Variants in PRSS41 observed in about 807,000 individuals in gnomAD.
PRSS41 encodes the protein protease, serine 41.
Under a neutral mutation model 28.8 loss-of-function variants are expected in PRSS41, and 37 were observed. That is an observed-to-expected ratio of 1.29 (90% confidence interval 0.99 to 1.69). The LOEUF is 1.69. PRSS41 is among the 40% of genes most tolerant of loss of function. PRSS41 has a pLI of 0.00. For missense variants in PRSS41, 431 were observed against 400.7 expected (o/e 1.08, Z -0.65); for synonymous variants, 195 against 163.1 (o/e 1.20, Z -1.49).
At chr16:2,799,699 T>C in intron 4 of PRSS41, 130 bp downstream of exon 4, 1 of 917,902 alleles carries the variant, frequency 1.1e-6, no homozygotes, top group Non-Finnish European at 1.6e-6. Context: ...CCCCTCCTGC[T>C]CTCATTCTCT....
intron 4 of PRSS41, among the ~76,000 whole-genome samples, 176 bp downstream of exon 4, chr16:2,799,745 A>G (rs1182031026): frequency 1.3e-5 from 2 of 152,226 alleles, no homozygotes; most frequent in African/African-American, 4.8e-5. Flanking sequence ...GCCACCTGTC[A>G]GGGCAGGGAC....
intron 4 of PRSS41, among the ~76,000 whole-genome samples, chr16:2,801,708 A>C (rs1440611511): frequency 6.6e-6 from 1 of 152,112 alleles, no homozygotes; most frequent in African/African-American, 2.4e-5. Context: ...TTCTTAGTGC[A>C]GAACAAAATG....
chr16:2,798,528 G>A, exon 1 of PRSS41: 2 of 1,529,828 alleles, frequency 1.3e-6, no homozygotes. Flanking sequence ...CTGCTGGCTC[G>A]GGCTGGACTC....
intron 5 of PRSS41, 53 bp from the exon 6 acceptor site, chr16:2,804,861 C>T (rs575598315): frequency 2.6e-5 from 37 of 1,413,006 alleles, no homozygotes; most frequent in Middle Eastern, 1.8e-4. Context: ...CTCATGGCCT[C>T]TGCTGCCCCA....
At chr16:2,802,664 G>A (rs918578575) in intron 4 of PRSS41, among the ~76,000 whole-genome samples, 23 of 152,232 alleles carry the variant, frequency 1.5e-4, no homozygotes, top group Non-Finnish European at 1.5e-4. Context: ...CGGATCACTC[G>A]CGGTTAGGGG....
At position 2,799,493 on chromosome 16, in the gene PRSS41, C is replaced by G. The variant is rs374323400; in HGVS notation, c.465C>G (p.Ile155Met). 10 of 1,552,070 alleles carry G rather than the reference C, an allele frequency of 6.4e-6. No homozygotes were observed. The African/African-American group carries it at 8.2e-5, about 13-fold the overall frequency. ...ATGCGTACATCCAGCCCATTTGCATCGAGTCTTCCACCTTCAACTTCGTGC... is the reference window on the plus strand; with the variant it reads ...ATGCGTACATCCAGCCCATTTGCATGGAGTCTTCCACCTTCAACTTCGTGC... Residue 155 changes from isoleucine to methionine, a missense_variant, in exon 4 of 6, where the codon ATC becomes ATG. Ile to Met is a conservative substitution (Grantham distance 10). Transcript: ENST00000399677.
At chr16:2,801,739 T>C (rs1332200114) in intron 4 of PRSS41, among the ~76,000 whole-genome samples, 2 of 152,110 alleles carry the variant, frequency 1.3e-5, no homozygotes, top group African/African-American at 2.4e-5. Flanking sequence ...CATGTCTACC[T>C]CTTTCTACAC....
chr16:2,802,689 G>A (rs1356731945), intron 4 of PRSS41, among the ~76,000 whole-genome samples: 3 of 152,232 alleles, frequency 2.0e-5, no homozygotes, highest in Admixed American at 6.5e-5. Flanking sequence ...AGACCGGCCC[G>A]GCCAACACAG....
chr16:2,804,428 T>C, exon 5 of PRSS41: 1 of 1,551,636 alleles, frequency 6.4e-7, no homozygotes, highest in Non-Finnish European at 8.7e-7. Context: ...GAAGCACAGG[T>C]CACCATCTTA....
Position 2,798,495 on chromosome 16 carries a change from G to GC in PRSS41, c.12dup (p.Gly5ArgfsTer122). The GC allele has an allele frequency of 6.6e-7, 1 of 1,518,420 alleles. No homozygotes were observed. The highest frequency in any genetic ancestry group is 2.6e-5 in the East Asian group (1 of 38,808). The allele number at this position is 1,518,420 out of a possible 1,614,324, so 94.1% of individuals were successfully genotyped here. A position where few individuals can be genotyped will look rare whatever the true frequency, so the allele number is the denominator to read the frequency against. ...GCGGGAGAGGAGGCCATGGGCGCGC[G>GC]CGGGGCGCTGCTGCTGGCGCTGCTG... On this transcript the variant is annotated frameshift_variant, in exon 1 of 6. Coordinates refer to ENST00000399677, the Ensembl canonical transcript of PRSS41. LOFTEE classifies it high-confidence loss of function.
At chr16:2,798,905 C>A in intron 2 of PRSS41, 54 bp from the exon 3 acceptor site, 2 of 1,465,452 alleles carry the variant, frequency 1.4e-6, no homozygotes, top group Non-Finnish European at 9.0e-7. Flanking sequence ...GCAGGGCGGG[C>A]CTGCCCACCC....
chr16:2,799,520 C>G (rs1289707279), exon 4 of PRSS41: 1 of 1,551,762 alleles, frequency 6.4e-7, no homozygotes, highest in Non-Finnish European at 8.7e-7. Context: ...ACTTCGTGCA[C>G]CGGCCGGACT....
intron 2 of PRSS41, 130 bp from the exon 3 acceptor site, chr16:2,798,829 C>A: frequency 8.1e-7 from 1 of 1,232,922 alleles, no homozygotes; most frequent in Non-Finnish European, 1.1e-6. Context: ...GGGTCCCTAG[C>A]GTCACCTTCT....
At position 2,798,973 on chromosome 16, in the gene PRSS41, C is replaced by T. The variant is rs1396641211; in HGVS notation, c.106C>T (p.Arg36Trp). The change falls in exon 3 of 6, where the codon CGG (arginine) becomes TGG (tryptophan). Residue 36 changes from arginine (R) to tryptophan (W), a missense_variant. By Grantham distance (101) the Arg-to-Trp change is moderately radical (BLOSUM62 -3). Coordinates refer to ENST00000399677, the Ensembl canonical transcript of PRSS41. ...GTCCATCCCAGAGGCCTGCGGCCAC[C>T]GGGAAATTCACGCGCTGGTGGCGGG... 2.6e-6 allele frequency: 4 copies of T among 1,532,686 alleles called. No homozygotes were observed. In the African/African-American group the frequency reaches 4.1e-5, roughly 16 times the overall value. 94.9% of individuals were successfully genotyped at this position (1,532,686 alleles called of 1,614,324 possible).
At chr16:2,801,247 T>G (rs965861023) in intron 4 of PRSS41, among the ~76,000 whole-genome samples, 3 of 152,240 alleles carry the variant, frequency 2.0e-5, no homozygotes, top group Non-Finnish European at 4.4e-5. Context: ...TTTGGCGATC[T>G]GTTGTTAGGT....
intron 4 of PRSS41, among the ~76,000 whole-genome samples, chr16:2,801,453 A>G (rs2068985661): frequency 6.6e-6 from 1 of 150,496 alleles, no homozygotes. Flanking sequence ...AAGTGAACAA[A>G]GGTCTCTGGT....
rs867999738 is a variant in PRSS41, at chr16:2,799,662, C to T, written c.541+93C>T. The T allele has an allele frequency of 5.9e-6, 8 of 1,355,594 alleles. No individual in the cohort carries two copies. The Middle Eastern group carries it at 6.0e-4, about 102-fold the overall frequency. The allele number at this position is 1,355,594 out of a possible 1,614,324, so 84.0% of individuals were successfully genotyped here. A position where few individuals can be genotyped will look rare whatever the true frequency, so the allele number is the denominator to read the frequency against. On this transcript the variant is annotated intron_variant, in intron 4 of 5. Transcript: ENST00000399677. ...CCCGCTACACAAGCACAGCAGCCCC[C>T]TCCTTGGTCTGGGGCTGCAACCTGC...
chr16:2,804,450 G>A, exon 5 of PRSS41: 1 of 1,551,618 alleles, frequency 6.4e-7, no homozygotes, highest in African/African-American at 1.4e-5. Flanking sequence ...ACAACACCAG[G>A]TGTAATTACC....
Position 2,799,998 on chromosome 16 carries a change from C to T in PRSS41, c.541+429C>T, listed in dbSNP as rs532846044. ...CTACAGTCATGTGTCACTTAATGAC[C>T]GGGATATGTTCTGAGATATGCATCA... On this transcript the variant is annotated intron_variant, in intron 4 of 5. Coordinates refer to ENST00000399677, the Ensembl canonical transcript of PRSS41. Among the ~76,000 whole-genome samples the T allele has an allele frequency of 1.3e-3, 194 of 152,316 alleles. 1 individual carries two copies. Among genetic ancestry groups the T allele is most frequent in the African/African-American group, 4.4e-3 (182 of 41,576 alleles).
Sources: gnomAD v4.1 joint callset for allele counts (sites outside exome capture counted in the v4.1 genomes callset) on GRCh38, gnomAD v4.1.1 for gene constraint, MANE v1.5 for transcripts, NCBI Gene and HGNC (gene_info 2026-07-23, HGNC 2026-07-21) for gene names.